FAM53B: variants seen among roughly 807,000 people sequenced by gnomAD.
FAM53B encodes the protein family with sequence similarity 53 member B.
Under a neutral mutation model 32.7 loss-of-function variants are expected in FAM53B, and 12 were observed. That is an observed-to-expected ratio of 0.37 (90% CI 0.24 to 0.59). The LOEUF is 0.59. Ranked by LOEUF, FAM53B falls within the 20% of genes least tolerant of loss-of-function variation. The pLI is 0.72. For synonymous variants in FAM53B, 234 were observed against 228.7 expected, an observed-to-expected ratio of 1.02 and a Z score of -0.21; for missense variants, 477 against 577.7, an observed-to-expected ratio of 0.83 and a Z score of 1.79.
intron 1 of FAM53B, among the ~76,000 whole-genome samples, chr10:124,714,393 T>G (rs1950025543): frequency 6.6e-6 from 1 of 152,078 alleles, no homozygotes; most frequent in Non-Finnish European, 1.5e-5. Flanking sequence ...AGGGTTCCCA[T>G]GTCTTCAGGT....
At position 124,685,691 on chromosome 10, in the gene FAM53B, G is replaced by A. The variant is rs904343963; in HGVS notation, c.134-3312C>T. Among the ~76,000 whole-genome samples, 7 of 152,188 alleles carry A rather than the reference G, an allele frequency of 4.6e-5. No homozygotes were observed. In the South Asian group the frequency reaches 8.3e-4, roughly 18 times the overall value. On this transcript the variant is annotated intron_variant, in intron 3 of 4. Transcript: ENST00000337318. ...GTTCCATTTTTGCACCACTGGCCTGGAATCTTCCCCATCTCTAGGGAAATC... is the reference window on the plus strand; with the variant it reads ...GTTCCATTTTTGCACCACTGGCCTGAAATCTTCCCCATCTCTAGGGAAATC...
At chr10:124,631,208 GA>G (rs1949388899) in intron 4 of FAM53B, among the ~76,000 whole-genome samples, 1 of 152,176 alleles carries the variant, frequency 6.6e-6, no homozygotes, top group African/African-American at 2.4e-5. Context: ...CCTCCCGCTG[GA>G]TTCTTTACAC....
intron 4 of FAM53B, among the ~76,000 whole-genome samples, chr10:124,679,206 T>C (rs1030667123): frequency 3.3e-5 from 5 of 151,642 alleles, no homozygotes; most frequent in African/African-American, 1.2e-4. Flanking sequence ...AAAGCCCAAC[T>C]CCAAGCCTTG....
intron 4 of FAM53B, among the ~76,000 whole-genome samples, chr10:124,657,126 A>G (rs1227577246): frequency 6.1e-5 from 9 of 146,876 alleles, no homozygotes; most frequent in Admixed American, 3.4e-4. Context: ...GTGTATATAT[A>G]TGTGTGTATA....
rs1284244628 is a variant in FAM53B at position 124,620,359 on chromosome 10, C to A, written c.*2883G>T. The A allele has an allele frequency of 7.0e-6, 1 of 143,142 alleles. No homozygotes were observed. The highest frequency in any genetic ancestry group is 1.5e-5 in the Non-Finnish European group (1 of 65,276). The allele number at this position is 143,142 out of a possible 1,614,324, so 8.9% of individuals were successfully genotyped here. ...GTGGGGTGCATGTGGCACTAAGCCC[C>A]CCCCACCGCCCCGGCTTTCCTGCAG... On this transcript the variant is annotated 3_prime_UTR_variant, in exon 5 of 5. Coordinates refer to ENST00000337318, the MANE Select transcript of FAM53B (RefSeq NM_014661.4).
chr10:124,739,410 T>C (rs1950189077), intron 1 of FAM53B, among the ~76,000 whole-genome samples: 1 of 152,352 alleles, frequency 6.6e-6, no homozygotes. Flanking sequence ...GTGCTGCCAT[T>C]ATTCTTTGAA....
At chr10:124,675,948 C>T (rs1487548011) in intron 4 of FAM53B, among the ~76,000 whole-genome samples, 5 of 152,194 alleles carry the variant, frequency 3.3e-5, no homozygotes, top group Non-Finnish European at 7.3e-5. Flanking sequence ...GCCAAGACTG[C>T]CAAGAGGAGG....
chr10:124,621,796 G>A lies in FAM53B; in HGVS notation c.*1446C>T, dbSNP rs889698571. On this transcript the variant is annotated 3_prime_UTR_variant, in exon 5 of 5. Transcript: ENST00000337318. ...AAGTGACTACAAAAGTGCTTTGAAC[G>A]CGCGTGTCAGCCAACACAAGGGAGC... 4 of 152,274 alleles carry A rather than the reference G, an allele frequency of 2.6e-5. No individual in the cohort carries two copies. Among genetic ancestry groups the A allele is most frequent in the Admixed American group, 6.5e-5 (1 of 15,284 alleles). The allele number at this position is 152,274 out of a possible 1,614,324, so 9.4% of individuals were successfully genotyped here. A position where few individuals can be genotyped will look rare whatever the true frequency, so the allele number is the denominator to read the frequency against.
At chr10:124,729,459 A>G (rs1399969405) in intron 1 of FAM53B, among the ~76,000 whole-genome samples, 1 of 152,208 alleles carries the variant, frequency 6.6e-6, no homozygotes, top group Non-Finnish European at 1.5e-5. Context: ...CACTTCCTTC[A>G]TGCAACTATT....
At chr10:124,644,625 G>A (rs1415216180) in intron 4 of FAM53B, among the ~76,000 whole-genome samples, 1 of 152,220 alleles carries the variant, frequency 6.6e-6, no homozygotes, top group African/African-American at 2.4e-5. Context: ...CACTCAAAGG[G>A]TTTTGCCACT....
intron 1 of FAM53B, among the ~76,000 whole-genome samples, chr10:124,737,646 C>T (rs1380491879): frequency 6.6e-6 from 1 of 152,146 alleles, no homozygotes; most frequent in Admixed American, 6.5e-5. Context: ...CATCAGCAGG[C>T]CCAAGAAGCT....
chr10:124,657,995 A>G (rs1269846098), intron 4 of FAM53B, among the ~76,000 whole-genome samples: 1 of 152,152 alleles, frequency 6.6e-6, no homozygotes, highest in East Asian at 1.9e-4. Flanking sequence ...AGCTGTGACG[A>G]TATGTAGGTC....
At chr10:124,660,197 A>G (rs1309021385) in intron 4 of FAM53B, among the ~76,000 whole-genome samples, 1 of 152,066 alleles carries the variant, frequency 6.6e-6, no homozygotes, top group Non-Finnish European at 1.5e-5. Flanking sequence ...CACCATATGG[A>G]GCGGAAGAGC....
chr10:124,638,374 AAAAACAAAAC>A (rs3837354), intron 4 of FAM53B, among the ~76,000 whole-genome samples: 2 of 151,524 alleles, frequency 1.3e-5, no homozygotes, highest in South Asian at 2.1e-4. Flanking sequence ...ACTCCACCTC[AAAAACAAAAC>A]AAAACAAAAC....
intron 1 of FAM53B, among the ~76,000 whole-genome samples, chr10:124,738,619 A>T (rs751058243): frequency 3.3e-5 from 5 of 151,964 alleles, no homozygotes; most frequent in Non-Finnish European, 5.9e-5. Context: ...CTGAGACAGA[A>T]TGCAGGGCCG....
chr10:124,706,848 G>T lies in FAM53B; in HGVS notation c.-135C>A. The T allele has an allele frequency of 1.3e-6, 2 of 1,509,682 alleles. No individual in the cohort carries two copies. The highest frequency in any genetic ancestry group is 1.2e-5 in the South Asian group (1 of 80,470). The allele number at this position is 1,509,682 out of a possible 1,614,324, so 93.5% of individuals were successfully genotyped here. A position where few individuals can be genotyped will look rare whatever the true frequency, so the allele number is the denominator to read the frequency against. ...TCCCCATTGGCCACTCACCCTTGGG[G>T]TGGGGCCCTTCTGGGAAATGGCCAA... On this transcript the variant is annotated 5_prime_UTR_variant, in exon 2 of 5. Coordinates refer to ENST00000337318, the MANE Select transcript of FAM53B (RefSeq NM_014661.4).
chr10:124,662,461 C>T (rs28628021), intron 4 of FAM53B, among the ~76,000 whole-genome samples: 7 of 119,830 alleles, frequency 5.8e-5, no homozygotes, highest in African/African-American at 2.0e-4. Context: ...CACCCACCCA[C>T]CCATCCATCC....
At chr10:124,712,586 T>C (rs1038123378) in intron 1 of FAM53B, among the ~76,000 whole-genome samples, 2 of 152,256 alleles carry the variant, frequency 1.3e-5, no homozygotes, top group South Asian at 4.1e-4. Context: ...TTAAGTCTTG[T>C]ATTGTCACTT....
chr10:124,667,573 C>T (rs911402809), intron 4 of FAM53B, among the ~76,000 whole-genome samples: 16 of 152,192 alleles, frequency 1.1e-4, no homozygotes, highest in Admixed American at 2.0e-4. Flanking sequence ...CTGAGGAGGA[C>T]CGGGCAGGGC....
Sources: gnomAD v4.1 joint callset for allele counts (sites outside exome capture counted in the v4.1 genomes callset) on GRCh38, gnomAD v4.1.1 for gene constraint, MANE v1.5 for transcripts, NCBI Gene and HGNC (gene_info 2026-07-23, HGNC 2026-07-21) for gene names.